The following PHF3 variants were observed in gnomAD, a reference collection of about 807,000 sequenced individuals.
PHF3 encodes PHD finger protein 3.
Under a neutral mutation model 178.4 loss-of-function variants are expected in PHF3, and 41 were observed. The observed-to-expected ratio is 0.23, with a 90% CI of 0.18 to 0.30. The LOEUF is 0.30. PHF3 is among the 10% of genes least tolerant of loss of function. The pLI is 1.00. For missense variants in PHF3, 2,346 were observed against 2,398.1 expected (o/e 0.98, Z 0.45); for synonymous variants, 842 against 800.5 (o/e 1.05, Z -0.88).
At chr6:63,699,264 C>T (rs139673560) in intron 8 of PHF3, among the ~76,000 whole-genome samples, 2 of 152,190 alleles carry the variant, frequency 1.3e-5, no homozygotes, top group East Asian at 3.9e-4. Context: ...ATCATGCCAG[C>T]GAACATTTTA....
rs148345430 is a variant in PHF3 at position 63,712,712 on chromosome 6, G to A, written c.5124G>A (p.Ser1708=). 8.7e-5 allele frequency: 140 copies of A among 1,613,910 alleles called. No individual in the cohort carries two copies. The East Asian group carries it at 2.5e-3, about 29-fold the overall frequency. Residue 1708 remains serine (S), a synonymous_variant, in exon 16 of 16, where the codon TCG becomes TCA. Coordinates refer to ENST00000262043, the MANE Select transcript of PHF3 (RefSeq NM_001370348.2). ...AGTTGTGTTCTGCAGAGAAAAACTC[G>A]TGTGTTCAGCAGAGTGACAATTTAA... The part of the protein sequence containing the change: ...EEKLCSAEKN[S]CVQQSDNLKV...
chr6:63,672,186 G>A (rs1388424164), intron 2 of PHF3, among the ~76,000 whole-genome samples: 2 of 152,166 alleles, frequency 1.3e-5, no homozygotes, highest in Non-Finnish European at 1.5e-5. Context: ...TTAGTGGGCT[G>A]TATAAATAAA....
intron 4 of PHF3, among the ~76,000 whole-genome samples, chr6:63,687,680 A>G (rs1766775422): frequency 6.6e-6 from 1 of 152,224 alleles, no homozygotes; most frequent in Admixed American, 6.5e-5. Context: ...CCTTGTAGAT[A>G]AAGTTCCAGT....
At chr6:63,643,832 G>A (rs539702830) in intron 1 of PHF3, among the ~76,000 whole-genome samples, 1 of 152,178 alleles carries the variant, frequency 6.6e-6, no homozygotes, top group South Asian at 2.1e-4. Context: ...CGATCTTCAA[G>A]AAATATATTA....
intron 2 of PHF3, among the ~76,000 whole-genome samples, chr6:63,655,226 C>T (rs555289447): frequency 2.7e-4 from 41 of 152,072 alleles, no homozygotes; most frequent in African/African-American, 9.9e-4. Flanking sequence ...ACCATGCCCG[C>T]CACCATGCCT....
At chr6:63,688,340 T>C (rs1582083113) in intron 4 of PHF3, among the ~76,000 whole-genome samples, 1 of 3,080 alleles carries the variant, frequency 3.2e-4, no homozygotes, top group African/African-American at 1.3e-3. Context: ...CCTCCCCTCC[T>C]CTTCTCTTGT....
At chr6:63,653,412 C>T (rs1765105258) in intron 2 of PHF3, among the ~76,000 whole-genome samples, 2 of 151,754 alleles carry the variant, frequency 1.3e-5, no homozygotes, top group Non-Finnish European at 1.5e-5. Context: ...AGATCTTTAA[C>T]CTCTTGCTTA....
chr6:63,639,169 G>A (rs910465259), intron 1 of PHF3, among the ~76,000 whole-genome samples: 7 of 152,174 alleles, frequency 4.6e-5, no homozygotes, highest in African/African-American at 1.7e-4. Context: ...ACAGTGAAGA[G>A]TGGATATAGA....
intron 2 of PHF3, among the ~76,000 whole-genome samples, chr6:63,649,114 A>T (rs1294632118): frequency 1.3e-5 from 2 of 150,314 alleles, no homozygotes; most frequent in Non-Finnish European, 3.0e-5. Flanking sequence ...TTATTTATTC[A>T]TTTATTTTGG....
At chr6:63,655,668 A>G (rs760535596) in intron 2 of PHF3, among the ~76,000 whole-genome samples, 84 of 152,214 alleles carry the variant, frequency 5.5e-4, no homozygotes, top group Admixed American at 1.2e-3. Context: ...AATTATATGC[A>G]ATATAGCTTA....
chr6:63,721,762 CG>C lies in PHF3; in HGVS notation c.*8056del. 1 of 1,550,906 alleles carries C rather than the reference CG, an allele frequency of 6.4e-7. No homozygotes were observed. ...TCGCCAAGGTTGTAGCGAAGTTGAACGGAACTATTTACTAAAGAGATGCATA... is the reference window on the plus strand; with the variant it reads ...TCGCCAAGGTTGTAGCGAAGTTGAACGAACTATTTACTAAAGAGATGCATA... On this transcript the variant is annotated 3_prime_UTR_variant, in exon 16 of 16. Transcript: ENST00000262043.
chr6:63,715,309 C>T lies in PHF3; in HGVS notation c.*1601C>T, dbSNP rs536995058. On this transcript the variant is annotated 3_prime_UTR_variant, in exon 16 of 16. Transcript: ENST00000262043. Reference sequence around the variant, plus strand: ...TAAATAAAGCCCGTTTAACTTTGGTCCACTTTTCTTTTGGAAATTAACTTG... The same window carrying T: ...TAAATAAAGCCCGTTTAACTTTGGTTCACTTTTCTTTTGGAAATTAACTTG... 6.6e-6 allele frequency: 1 copy of T among 152,072 alleles called. No individual in the cohort carries two copies. The highest frequency in any genetic ancestry group is 2.4e-5 in the African/African-American group (1 of 41,428). The allele number at this position is 152,072 out of a possible 1,614,324, so 9.4% of individuals were successfully genotyped here.
chr6:63,698,286 C>T lies in PHF3; in HGVS notation c.2744C>T (p.Pro915Leu), dbSNP rs762038972. 2 of 1,612,938 alleles carry T rather than the reference C, an allele frequency of 1.2e-6. No individual in the cohort carries two copies. The highest frequency in any genetic ancestry group is 2.2e-5 in the East Asian group (1 of 44,798). ...KVEKGVLNVH[P>L]AASASKPSAD... ...GAAAAAGGAGTGCTTAATGTACATC[C>T]TGCTGCTTCTGCTTCCAAGCCTTCT... The change falls in exon 7 of 16, where the codon CCT becomes CTT. Residue 915 changes from proline (P) to leucine (L), a missense_variant. By Grantham distance (98) the Pro-to-Leu change is moderately conservative. Transcript: ENST00000262043.
intron 2 of PHF3, among the ~76,000 whole-genome samples, chr6:63,657,162 G>A (rs768519781): frequency 6.6e-5 from 10 of 152,202 alleles, no homozygotes; most frequent in South Asian, 6.2e-4. Context: ...CTTTCTAGAT[G>A]CTTATTGCCA....
chr6:63,702,033 A>G (rs1023881139), intron 9 of PHF3, among the ~76,000 whole-genome samples: 5 of 152,212 alleles, frequency 3.3e-5, no homozygotes, highest in South Asian at 2.1e-4. Context: ...TTTCAGGGTC[A>G]CTAAGCAGGC....
rs1019195002 is a variant in PHF3, at chr6:63,723,654, C to A, written c.*9946C>A. ...TTTTAACTCAGCTAGTATGTTCTTA[C>A]GAAAAATTGACAAAAAGTTTTCTTT... On this transcript the variant is annotated 3_prime_UTR_variant, in exon 16 of 16. Coordinates refer to ENST00000262043, the MANE Select transcript of PHF3 (RefSeq NM_001370348.2). Among the ~76,000 whole-genome samples, 2 of 151,780 alleles carry A rather than the reference C, an allele frequency of 1.3e-5. No individual in the cohort carries two copies. Among genetic ancestry groups the A allele is most frequent in the African/African-American group, 4.8e-5 (2 of 41,316 alleles).
chr6:63,693,673 C>G (rs1401052431), intron 5 of PHF3, among the ~76,000 whole-genome samples: 2 of 152,178 alleles, frequency 1.3e-5, no homozygotes, highest in Non-Finnish European at 2.9e-5. Flanking sequence ...ACCTCTTTAT[C>G]CAGTCTGTAT....
At chr6:63,642,081 A>G (rs1363108993) in intron 1 of PHF3, among the ~76,000 whole-genome samples, 1 of 152,270 alleles carries the variant, frequency 6.6e-6, no homozygotes, top group Non-Finnish European at 1.5e-5. Flanking sequence ...CAGATGAAAC[A>G]TATTTTAAAG....
intron 1 of PHF3, among the ~76,000 whole-genome samples, 163 bp downstream of exon 1, chr6:63,636,313 G>A (rs1764332382): frequency 6.6e-6 from 1 of 152,166 alleles, no homozygotes; most frequent in African/African-American, 2.4e-5. Context: ...GGCCTCTTGC[G>A]CAACGTCCTC....
Sources: allele counts gnomAD v4.1 joint callset (sites outside exome capture counted in the v4.1 genomes callset), GRCh38; gene constraint gnomAD v4.1.1; transcripts MANE v1.5; gene names NCBI Gene and HGNC (gene_info 2026-07-23, HGNC 2026-07-21).